Variants in FOXP1 observed in about 807,000 individuals in gnomAD.
The protein encoded by FOXP1 is forkhead box protein P1.
A neutral mutation model predicts 98.2 loss-of-function variants in FOXP1; 15 were observed. That is an observed-to-expected ratio of 0.15 (90% confidence interval 0.10 to 0.24). FOXP1 has a LOEUF of 0.24. Among genes scored for constraint, FOXP1 ranks in the 10% least tolerant of loss-of-function variants. The probability of loss-of-function intolerance (pLI) is 1.00; values close to 1 mark genes in which losing one functional copy is unlikely to be tolerated. For missense variants in FOXP1, 633 were observed against 848.5 expected, an observed-to-expected ratio of 0.75 and a Z score of 3.15; for synonymous variants, 371 against 314.5, an observed-to-expected ratio of 1.18 and a Z score of -1.90.
chr3:71,260,262 CGT>C (rs1250535410), intron 5 of FOXP1, among the ~76,000 whole-genome samples: 1 of 152,116 alleles, frequency 6.6e-6, no homozygotes, highest in African/African-American at 2.4e-5. Flanking sequence ...GGATTACAGG[CGT>C]GAGCCACCGC....
rs139612143 is a variant in FOXP1, at chr3:71,118,371, T to C, written c.181-5734A>G. The stretch of plus-strand genomic sequence containing the variant: ...ATTCTAAGATCATAGCAGGTGCTTA[T>C]AGGGGCTAGGTAATTCTATGTTTAG... On this transcript the variant is annotated intron_variant, in intron 6 of 20. Transcript: ENST00000649528. Among the ~76,000 whole-genome samples the C allele has an allele frequency of 2.6e-3, 389 of 152,360 alleles. 2 individuals are homozygous for C. The highest frequency in any genetic ancestry group is 8.8e-3 in the African/African-American group (365 of 41,590).
At chr3:71,232,876 T>TAAAAAAA (rs2066415668) in intron 5 of FOXP1, among the ~76,000 whole-genome samples, 1 of 5,278 alleles carries the variant, frequency 1.9e-4, no homozygotes, top group African/African-American at 5.0e-4. Context: ...AAACTCTGTC[T>TAAAAAAA]CAAAAAAAAA....
rs1022136592 is a variant in FOXP1, at chr3:71,582,882, G to A, written c.-447+689C>T. 8.0e-5 allele frequency: 71 copies of A among 889,062 alleles called. No homozygotes were observed. In the African/African-American group the frequency reaches 1.2e-3, roughly 16 times the overall value. The allele number at this position is 889,062 out of a possible 1,614,324, so 55.1% of individuals were successfully genotyped here. On this transcript the variant is annotated intron_variant, in intron 1 of 20. Transcript: ENST00000649528. ...GTAACGCGCGCGTGGCAGCGGGGAAGTTCCCCAGTGCGGGGCCCAGGGCCA... is the reference window on the plus strand; with the variant it reads ...GTAACGCGCGCGTGGCAGCGGGGAAATTCCCCAGTGCGGGGCCCAGGGCCA...
chr3:71,224,329 G>A (rs2065657731), intron 5 of FOXP1, among the ~76,000 whole-genome samples: 1 of 152,216 alleles, frequency 6.6e-6, no homozygotes, highest in East Asian at 1.9e-4. Context: ...CCCTTAGGAA[G>A]AAGAGTAGAT....
chr3:71,476,225 T>C (rs992035722), intron 3 of FOXP1, among the ~76,000 whole-genome samples: 8 of 152,226 alleles, frequency 5.3e-5, no homozygotes, highest in African/African-American at 1.9e-4. Flanking sequence ...GTTGTGTTTA[T>C]AGTGGATGAA....
At chr3:71,045,545 CATAT>C (rs57128419) in intron 10 of FOXP1, among the ~76,000 whole-genome samples, 3 of 152,074 alleles carry the variant, frequency 2.0e-5, no homozygotes, top group African/African-American at 7.3e-5. Context: ...AACTGATGTA[CATAT>C]ATATATTCTT....
intron 6 of FOXP1, among the ~76,000 whole-genome samples, chr3:71,126,394 C>A (rs1358041617): frequency 1.3e-5 from 2 of 151,876 alleles, no homozygotes; most frequent in Non-Finnish European, 2.9e-5. Flanking sequence ...GAGGCTAGGG[C>A]CAGAGAATGG....
At chr3:71,127,699 G>A (rs888816706) in intron 6 of FOXP1, among the ~76,000 whole-genome samples, 2 of 152,144 alleles carry the variant, frequency 1.3e-5, no homozygotes, top group African/African-American at 4.8e-5. Context: ...AGACACACCC[G>A]GAAATTGTAA....
At chr3:71,234,923 G>A (rs926382274) in intron 5 of FOXP1, among the ~76,000 whole-genome samples, 6 of 152,176 alleles carry the variant, frequency 3.9e-5, no homozygotes, top group Non-Finnish European at 5.9e-5. Flanking sequence ...ACAAGTAAGT[G>A]GGCGCATTTC....
chr3:71,495,346 C>T (rs759128925), intron 2 of FOXP1, among the ~76,000 whole-genome samples: 9 of 152,204 alleles, frequency 5.9e-5, no homozygotes, highest in Non-Finnish European at 1.5e-5. Flanking sequence ...AGAGCTTTCG[C>T]CCTGATCTAT....
In FOXP1 at chr3:70,959,339, G is replaced by A. The variant is rs375084068; in HGVS notation, c.1942C>T (p.Pro648Ser). The change falls in exon 21 of 21, where the codon CCC becomes TCC. Residue 648 changes from proline to serine, a missense_variant. Transcript: ENST00000649528. ...EPLDPEEAEG[P>S]LSLVTTANHS... ...TTGGCTGTTGTCACTAAGGACAGGG[G>A]CCCTTCAGCTTCCTCTGGATCGAGG... is the stretch of plus-strand genomic sequence containing the variant. 1 of 1,614,084 alleles carries A rather than the reference G, an allele frequency of 6.2e-7. No homozygotes were observed. The highest frequency in any genetic ancestry group is 1.1e-5 in the South Asian group (1 of 91,074).
Position 71,455,121 on chromosome 3 carries a change from A to G in FOXP1, c.-168+38305T>C, listed in dbSNP as rs543669050. Among the ~76,000 whole-genome samples, 393 of 152,294 alleles carry G rather than the reference A, an allele frequency of 2.6e-3. 2 individuals are homozygous for G. Among genetic ancestry groups the G allele is most frequent in the African/African-American group, 8.7e-3 (362 of 41,574 alleles). On this transcript the variant is annotated intron_variant, in intron 3 of 20. Coordinates refer to ENST00000649528, the MANE Select transcript of FOXP1 (RefSeq NM_001349338.3). ...CTCTTTACAAATAGTCAGTTTTTTA[A>G]AAGGAAATGTGTGCATTCTCGGTAA... is the stretch of plus-strand genomic sequence containing the variant.
intron 2 of FOXP1, among the ~76,000 whole-genome samples, chr3:71,529,595 G>A (rs2043667334): frequency 6.6e-6 from 1 of 152,208 alleles, no homozygotes; most frequent in Non-Finnish European, 1.5e-5. Flanking sequence ...CTTCCAGAGA[G>A]GGGAGAGGGA....
At chr3:71,077,133 G>A (rs1037788237) in intron 7 of FOXP1, among the ~76,000 whole-genome samples, 1 of 152,116 alleles carries the variant, frequency 6.6e-6, no homozygotes, top group Admixed American at 6.5e-5. Flanking sequence ...ATCCAAGCAG[G>A]GGCAAACTTC....
Position 71,551,563 on chromosome 3 carries a change from T to C in FOXP1, c.-298+29986A>G, listed in dbSNP as rs180979488. On this transcript the variant is annotated intron_variant, in intron 2 of 20. Transcript: ENST00000649528. ...GCATAACGTTTCCTGGTTCCTCAAG[T>C]TATAGTTTATGTTCAATACATAAAC... Among the ~76,000 whole-genome samples, 639 of 152,358 alleles carry C rather than the reference T, an allele frequency of 4.2e-3. 5 individuals carry two copies. Among genetic ancestry groups the C allele is most frequent in the African/African-American group, 0.015 (617 of 41,580 alleles).
intron 7 of FOXP1, among the ~76,000 whole-genome samples, chr3:71,077,788 C>T (rs1472085484): frequency 6.6e-6 from 1 of 151,898 alleles, no homozygotes; most frequent in African/African-American, 2.4e-5. Context: ...CCTTACTCCC[C>T]TCTCACTTCC....
chr3:71,242,885 C>T (rs940897611), intron 5 of FOXP1, among the ~76,000 whole-genome samples: 2 of 151,954 alleles, frequency 1.3e-5, no homozygotes, highest in Non-Finnish European at 2.9e-5. Flanking sequence ...TTTTATTCAT[C>T]GAAGAATCCA....
In FOXP1 at chr3:71,371,483, T is replaced by C. The variant is rs72957371; in HGVS notation, c.-167-12239A>G. The stretch of plus-strand genomic sequence containing the variant: ...AGTCACTGCCTCCAACTGCTTCGCA[T>C]CCATTTCAGAATAAAATCCAGGCTG... On this transcript the variant is annotated intron_variant, in intron 3 of 20. Coordinates refer to ENST00000649528, the MANE Select transcript of FOXP1 (RefSeq NM_001349338.3). 8.0e-3 allele frequency among the ~76,000 whole-genome samples: 1,215 copies of C among 152,304 alleles called. 11 individuals carry two copies. The highest frequency in any genetic ancestry group is 0.028 in the African/African-American group (1,166 of 41,566).
chr3:71,258,942 G>A (rs564418272), intron 5 of FOXP1, among the ~76,000 whole-genome samples: 3 of 152,212 alleles, frequency 2.0e-5, no homozygotes, highest in African/African-American at 4.8e-5. Context: ...TCAGGAGATC[G>A]AGACTACCCT....
Sources: allele counts gnomAD v4.1 joint callset (sites outside exome capture counted in the v4.1 genomes callset), GRCh38; gene constraint gnomAD v4.1.1; transcripts MANE v1.5; gene names NCBI Gene and HGNC (gene_info 2026-07-23, HGNC 2026-07-21).